Variants in ECM2 observed in about 807,000 individuals in gnomAD.
The protein encoded by ECM2 is extracellular matrix protein 2, female organ and adipocyte specific.
ECM2 carries 57 observed loss-of-function variants against 67.5 expected under a neutral mutation model. The observed-to-expected ratio is 0.84, with a 90% CI of 0.68 to 1.05. The LOEUF (loss-of-function observed/expected upper bound fraction) is 1.05, where lower values mean the gene tolerates loss of function less well. ECM2 is among the 50% of genes least tolerant of loss of function. The pLI is 0.00. For synonymous variants in ECM2, 258 were observed against 294.5 expected, an observed-to-expected ratio of 0.88 and a Z score of 1.27; for missense variants, 741 against 822.8, an observed-to-expected ratio of 0.90 and a Z score of 1.22.
chr9:92,512,930 G>T (rs928366477), intron 4 of ECM2, among the ~76,000 whole-genome samples: 2 of 152,188 alleles, frequency 1.3e-5, no homozygotes, highest in African/African-American at 2.4e-5. Context: ...TCCTGAGCAT[G>T]AGAGGAGTTC....
chr9:92,544,216 C>G, the ECM2 span, among the ~76,000 whole-genome samples: 1 of 152,212 alleles, frequency 6.6e-6, no homozygotes, highest in South Asian at 2.1e-4. Flanking sequence ...TGGCTCACGC[C>G]TATAATCCCA....
Position 92,502,639 on chromosome 9 carries a change from T to C in ECM2, c.1478A>G (p.Glu493Gly). ...LPGSIEELYL[E>G]NNQIEEITEI... ...AGTTATTTCTTCAATTTGGTTATTT[T>C]CTAGGTATAATTCCTATAATTAAGA... Residue 493 changes from glutamate (E) to glycine (G), a missense_variant, in exon 8 of 10, where the codon GAA (glutamate) becomes GGA (glycine). Physicochemically the swap from Glu to Gly is moderately conservative, Grantham distance 98. Transcript: ENST00000344604. The C allele has an allele frequency of 1.9e-6, 3 of 1,585,134 alleles. No individual in the cohort carries two copies. The highest frequency in any genetic ancestry group is 2.6e-6 in the Non-Finnish European group (3 of 1,156,814).
At chr9:92,508,617 A>G (rs186083379) in intron 6 of ECM2, among the ~76,000 whole-genome samples, 2 of 152,272 alleles carry the variant, frequency 1.3e-5, no homozygotes, top group East Asian at 3.9e-4. Context: ...GAATTTTCTA[A>G]TGTCTTTCCC....
chr9:92,549,239 C>T, the ECM2 span, among the ~76,000 whole-genome samples: 1 of 152,166 alleles, frequency 6.6e-6, no homozygotes, highest in Non-Finnish European at 1.5e-5. Context: ...ACAGAAACTA[C>T]AAGCAGGCCG....
intron 9 of ECM2, among the ~76,000 whole-genome samples, chr9:92,497,753 G>A (rs1332744716): frequency 1.3e-5 from 2 of 151,796 alleles, no homozygotes; most frequent in African/African-American, 4.8e-5. Context: ...TGGAGGTGGT[G>A]CTTAATGGGA....
rs1194107271 is a variant in ECM2 at position 92,523,398 on chromosome 9, A to C, written c.-27-505T>G. Among the ~76,000 whole-genome samples the C allele has an allele frequency of 5.3e-5, 8 of 152,324 alleles. 1 individual carries two copies. The highest frequency in any genetic ancestry group is 1.9e-4 in the African/African-American group (8 of 41,580). ...CATTGTAGCATGAAAGCAGCCATAG[A>C]CAATATGTTGGGGACCAGCCTCAAC... On this transcript the variant is annotated intron_variant, in intron 1 of 9. Coordinates refer to ENST00000344604, the MANE Select transcript of ECM2 (RefSeq NM_001393.4).
chr9:92,494,102 A>T (rs951349913), downstream of ECM2: 40 of 1,597,702 alleles, frequency 2.5e-5, no homozygotes, highest in Non-Finnish European at 3.2e-5. Flanking sequence ...AGGAAAGGCC[A>T]CATCTGATCT....
At chr9:92,500,292 C>T (rs374095013) in intron 9 of ECM2, among the ~76,000 whole-genome samples, 2 of 152,152 alleles carry the variant, frequency 1.3e-5, no homozygotes, top group Non-Finnish European at 2.9e-5. Context: ...AAACAATTCT[C>T]CCACCTCAGC....
upstream of ECM2, among the ~76,000 whole-genome samples, chr9:92,537,302 A>G (rs1849205538): frequency 6.6e-6 from 1 of 152,222 alleles, no homozygotes. Flanking sequence ...CTGAATCAAG[A>G]TAAGGGACTA....
intron 1 of ECM2, among the ~76,000 whole-genome samples, chr9:92,529,666 A>G (rs560659585): frequency 6.1e-4 from 93 of 152,360 alleles, no homozygotes; most frequent in African/African-American, 2.2e-3. Context: ...TACATGGAAG[A>G]ACCTTAAATG....
At chr9:92,540,008 A>G (rs571644194), upstream of ECM2, among the ~76,000 whole-genome samples, 64 of 152,258 alleles carry the variant, frequency 4.2e-4, no homozygotes, top group Non-Finnish European at 7.8e-4. Flanking sequence ...CTGCCACTTT[A>G]TTTTTTAAAC....
intron 1 of ECM2, among the ~76,000 whole-genome samples, chr9:92,532,041 T>TTTTTTTTTA (rs1433523712): frequency 7.0e-6 from 1 of 143,418 alleles, no homozygotes; most frequent in African/African-American, 2.7e-5. Flanking sequence ...TTTATTTTTT[T>TTTTTTTTTA]TTTGAGATGA....
At chr9:92,537,511 T>G (rs902130066), upstream of ECM2, among the ~76,000 whole-genome samples, 3 of 151,886 alleles carry the variant, frequency 2.0e-5, no homozygotes, top group African/African-American at 7.3e-5. Flanking sequence ...AGTACAAAAA[T>G]TAGCCGAGTA....
the ECM2 span, among the ~76,000 whole-genome samples, chr9:92,553,038 T>A: frequency 6.6e-6 from 1 of 152,162 alleles, no homozygotes; most frequent in Admixed American, 6.5e-5. Context: ...ATTTTTATAG[T>A]TTCACGTCTT....
downstream of ECM2, chr9:92,493,689 CT>C (rs1216962304): frequency 6.4e-6 from 1 of 156,242 alleles, no homozygotes; most frequent in African/African-American, 2.4e-5. Flanking sequence ...ACATTTATCA[CT>C]TTTTTATGGA....
intron 1 of ECM2, among the ~76,000 whole-genome samples, chr9:92,528,559 AAAAC>A (rs900520580): frequency 5.9e-5 from 9 of 152,206 alleles, no homozygotes; most frequent in Non-Finnish European, 8.8e-5. Context: ...AAAGCAAAAC[AAAAC>A]AAAAAAAACA....
intron 2 of ECM2, among the ~76,000 whole-genome samples, chr9:92,520,463 A>G (rs1055535644): frequency 6.6e-6 from 1 of 152,164 alleles, no homozygotes; most frequent in African/African-American, 2.4e-5. Flanking sequence ...ATAAATAACA[A>G]TTGTTGGCAG....
At chr9:92,556,837 T>C in the ECM2 span, among the ~76,000 whole-genome samples, 1 of 152,154 alleles carries the variant, frequency 6.6e-6, no homozygotes, top group African/African-American at 2.4e-5. Context: ...TACAGTTGCA[T>C]CCATCCTGCT....
chr9:92,555,499 G>C, the ECM2 span, among the ~76,000 whole-genome samples: 50 of 151,980 alleles, frequency 3.3e-4, no homozygotes, highest in Non-Finnish European at 6.9e-4. Context: ...AAAGTGCTGG[G>C]ATTACAGGTA....
Sources: gnomAD v4.1 joint callset for allele counts (sites outside exome capture counted in the v4.1 genomes callset) on GRCh38, gnomAD v4.1.1 for gene constraint, MANE v1.5 for transcripts, NCBI Gene and HGNC (gene_info 2026-07-23, HGNC 2026-07-21) for gene names.